STPG2: variants seen among roughly 807,000 people sequenced by gnomAD.
The protein encoded by STPG2 is sperm-tail PG-rich repeat-containing protein 2.
A neutral mutation model predicts 54.2 loss-of-function variants in STPG2; 56 were observed. The observed-to-expected ratio is 1.03, with a 90% CI of 0.83 to 1.29. STPG2 has a LOEUF of 1.29. Among genes scored for constraint, STPG2 ranks in the 50% most tolerant of loss-of-function variants. The probability of loss-of-function intolerance (pLI) is 0.00; values close to 1 mark genes in which losing one functional copy is unlikely to be tolerated. For synonymous variants in STPG2, 200 were observed against 181.8 expected, an observed-to-expected ratio of 1.10 and a Z score of -0.81; for missense variants, 596 against 544.9, an observed-to-expected ratio of 1.09 and a Z score of -0.93.
At chr4:97,738,354 C>T (rs1302844641) in intron 9 of STPG2, among the ~76,000 whole-genome samples, 1 of 152,152 alleles carries the variant, frequency 6.6e-6, no homozygotes, top group Non-Finnish European at 1.5e-5. Context: ...CAAATTCACA[C>T]ATAACAATAT....
intron 10 of STPG2, among the ~76,000 whole-genome samples, chr4:97,565,453 C>T (rs1483244565): frequency 6.6e-6 from 1 of 152,234 alleles, no homozygotes; most frequent in African/African-American, 2.4e-5. Context: ...CATTCTCTGT[C>T]CAGCTTTGTT....
At chr4:97,504,570 T>C (rs1433858561) in intron 4 of STPG2, among the ~76,000 whole-genome samples, 2 of 151,944 alleles carry the variant, frequency 1.3e-5, no homozygotes, top group Non-Finnish European at 2.9e-5. Flanking sequence ...AATTATTATA[T>C]TCAGTTGAAA....
At chr4:97,829,624 T>C (rs541279705) in intron 9 of STPG2, among the ~76,000 whole-genome samples, 79 of 152,180 alleles carry the variant, frequency 5.2e-4, no homozygotes, top group South Asian at 8.3e-4. Context: ...CTAAAAACCT[T>C]GCAAGAAGGT....
chr4:98,069,458 A>C (rs1197566465), intron 5 of STPG2, among the ~76,000 whole-genome samples: 1 of 152,018 alleles, frequency 6.6e-6, no homozygotes, highest in Non-Finnish European at 1.5e-5. Flanking sequence ...GCCCTTAATC[A>C]GCAATTTTAA....
At chr4:97,639,266 T>G (rs1261807128) in intron 10 of STPG2, among the ~76,000 whole-genome samples, 7 of 151,894 alleles carry the variant, frequency 4.6e-5, no homozygotes, top group Non-Finnish European at 8.8e-5. Flanking sequence ...ACACCGCATA[T>G]TCTCACTCAT....
At chr4:97,926,662 G>A (rs2149215068) in intron 8 of STPG2, among the ~76,000 whole-genome samples, 1 of 152,250 alleles carries the variant, frequency 6.6e-6, no homozygotes, top group Non-Finnish European at 1.5e-5. Context: ...AGACAAAGGA[G>A]CTTCTGGTTT....
At chr4:97,792,343 C>A (rs893805553) in intron 9 of STPG2, among the ~76,000 whole-genome samples, 8 of 152,096 alleles carry the variant, frequency 5.3e-5, no homozygotes, top group African/African-American at 1.9e-4. Context: ...TAGGGAGACA[C>A]TAAAACTTTA....
chr4:97,908,331 C>T (rs902423279), intron 8 of STPG2, among the ~76,000 whole-genome samples: 1 of 151,548 alleles, frequency 6.6e-6, no homozygotes, highest in African/African-American at 2.4e-5. Flanking sequence ...TCTCACACCA[C>T]TTAGAATGGC....
chr4:98,137,945 A>C (rs1740179109), intron 1 of STPG2, among the ~76,000 whole-genome samples: 1 of 151,988 alleles, frequency 6.6e-6, no homozygotes, highest in Non-Finnish European at 1.5e-5. Flanking sequence ...ACTACAAAAA[A>C]TTTAAATGTT....
At chr4:98,031,083 A>G (rs1362058788) in intron 5 of STPG2, among the ~76,000 whole-genome samples, 2 of 152,204 alleles carry the variant, frequency 1.3e-5, no homozygotes, top group African/African-American at 2.4e-5. Flanking sequence ...GGAACAGAAT[A>G]GAGAACCCAG....
chr4:97,977,098 T>C, intron 6 of STPG2, among the ~76,000 whole-genome samples: 1 of 152,192 alleles, frequency 6.6e-6, no homozygotes, highest in East Asian at 1.9e-4. Flanking sequence ...CGTTGTTTTC[T>C]AAAATACTGT....
intron 5 of STPG2, among the ~76,000 whole-genome samples, chr4:98,019,322 G>T (rs1736089540): frequency 6.6e-6 from 1 of 152,132 alleles, no homozygotes; most frequent in African/African-American, 2.4e-5. Context: ...AGATCAGGTA[G>T]TTGTAGATAC....
intron 9 of STPG2, among the ~76,000 whole-genome samples, chr4:97,730,990 G>A (rs554506359): frequency 2.6e-5 from 4 of 152,152 alleles, no homozygotes; most frequent in African/African-American, 7.2e-5. Context: ...TTTGAATTCC[G>A]TATTTGTCAT....
chr4:97,882,976 TACACACACACACACAC>T (rs34481744), intron 8 of STPG2, among the ~76,000 whole-genome samples: 1 of 146,862 alleles, frequency 6.8e-6, no homozygotes, highest in Non-Finnish European at 1.5e-5. Flanking sequence ...ACATACCACA[TACACACACACACACAC>T]ACACACACAC....
At chr4:97,804,668 G>A (rs148727667) in intron 9 of STPG2, among the ~76,000 whole-genome samples, 294 of 152,214 alleles carry the variant, frequency 1.9e-3, no homozygotes, top group African/African-American at 7.0e-3. Flanking sequence ...TAAATATAGT[G>A]TAGCCTAAGG....
At chr4:98,119,206 G>A (rs1286385786) in intron 3 of STPG2, among the ~76,000 whole-genome samples, 1 of 151,952 alleles carries the variant, frequency 6.6e-6, no homozygotes, top group Non-Finnish European at 1.5e-5. Flanking sequence ...ACCACCTCAA[G>A]TTAACATAAT....
intron 1 of STPG2, among the ~76,000 whole-genome samples, chr4:98,141,107 G>A (rs1382593581): frequency 6.6e-6 from 1 of 151,944 alleles, no homozygotes; most frequent in African/African-American, 2.4e-5. Context: ...AGGGAGTCAC[G>A]CCCTACAAAC....
intron 10 of STPG2, among the ~76,000 whole-genome samples, chr4:97,565,785 C>A (rs1037110585): frequency 1.8e-4 from 28 of 152,274 alleles, no homozygotes; most frequent in South Asian, 1.0e-3. Flanking sequence ...TCTGATCGTT[C>A]CTCTGGAAGT....
chr4:97,911,087 G>A (rs1731660895), intron 8 of STPG2, among the ~76,000 whole-genome samples: 1 of 152,208 alleles, frequency 6.6e-6, no homozygotes, highest in Admixed American at 6.5e-5. Flanking sequence ...CAAGAAAGGG[G>A]GTGAGTGATT....
Sources: allele counts gnomAD v4.1 joint callset (sites outside exome capture counted in the v4.1 genomes callset), GRCh38; gene constraint gnomAD v4.1.1; transcripts MANE v1.5; gene names NCBI Gene and HGNC (gene_info 2026-07-23, HGNC 2026-07-21).